The following FAM3B variants were observed in gnomAD, a reference collection of about 807,000 sequenced individuals.
FAM3B encodes the protein FAM3 metabolism regulating signaling molecule B.
Under a neutral mutation model 28.4 loss-of-function variants are expected in FAM3B, and 29 were observed. The ratio of observed to expected loss-of-function variants is 1.02; its 90% CI spans 0.76 to 1.39. FAM3B has a LOEUF of 1.39. FAM3B is among the 40% of genes most tolerant of loss of function. The probability of loss-of-function intolerance (pLI) is 0.00; values close to 1 mark genes in which losing one functional copy is unlikely to be tolerated. For synonymous variants in FAM3B, 91 were observed against 103.0 expected, an observed-to-expected ratio of 0.88 and a Z score of 0.71; for missense variants, 266 against 293.9, an observed-to-expected ratio of 0.91 and a Z score of 0.69.
intron 2 of FAM3B, among the ~76,000 whole-genome samples, chr21:41,333,994 C>G (rs1453069162): frequency 6.6e-6 from 1 of 152,206 alleles, no homozygotes; most frequent in Non-Finnish European, 1.5e-5. Flanking sequence ...ACCTAGGGAT[C>G]TGTGGAACTC....
chr21:41,352,560 C>T (rs1031459395), intron 7 of FAM3B, among the ~76,000 whole-genome samples: 2 of 152,060 alleles, frequency 1.3e-5, no homozygotes, highest in Admixed American at 6.6e-5. Context: ...TTTGGGAGGT[C>T]AAGGCAGGCG....
chr21:41,355,418 C>A (rs554609837), intron 7 of FAM3B, among the ~76,000 whole-genome samples: 1 of 152,126 alleles, frequency 6.6e-6, no homozygotes, highest in Non-Finnish European at 1.5e-5. Context: ...ATGGAATCAA[C>A]CCAAATGTTT....
Position 41,357,133 on chromosome 21 carries a change from A to G in FAM3B, c.644A>G (p.Asn215Ser), listed in dbSNP as rs2089174258. 1.9e-6 allele frequency: 3 copies of G among 1,613,196 alleles called. No homozygotes were observed. Among genetic ancestry groups the G allele is most frequent in the East Asian group, 2.2e-5 (1 of 44,870 alleles). The change falls in exon 8 of 8, where the codon AAC becomes AGC. Residue 215 changes from asparagine (N) to serine (S), a missense_variant. By Grantham distance (46) the Asn-to-Ser change is conservative. Coordinates refer to ENST00000357985, the MANE Select transcript of FAM3B (RefSeq NM_058186.4). ...EKINHSDAKN[N>S]RYSGWPAEIQ... ...ATCAACCACTCTGATGCTAAGAACA[A>G]CAGATATTCTGGCTGGCCTGCAGAG... is the stretch of plus-strand genomic sequence containing the variant.
At chr21:41,341,834 A>G (rs2089009612) in intron 3 of FAM3B, among the ~76,000 whole-genome samples, 2 of 152,188 alleles carry the variant, frequency 1.3e-5, no homozygotes, top group Non-Finnish European at 2.9e-5. Flanking sequence ...GTTTTTTTGA[A>G]GAAGGATTCT....
chr21:41,321,083 T>G (rs1028466346), intron 1 of FAM3B: 1 of 152,200 alleles, frequency 6.6e-6, no homozygotes, highest in African/African-American at 2.4e-5. Context: ...CATTGTCTGG[T>G]TAGCCAGTTT....
At chr21:41,355,175 G>C (rs1351701349) in intron 7 of FAM3B, among the ~76,000 whole-genome samples, 2 of 152,206 alleles carry the variant, frequency 1.3e-5, no homozygotes, top group Non-Finnish European at 1.5e-5. Flanking sequence ...ATAAGAAGAA[G>C]TGCTGGTGAG....
At chr21:41,307,080 A>G (rs1201278061) in intron 1 of FAM3B, among the ~76,000 whole-genome samples, 1 of 152,230 alleles carries the variant, frequency 6.6e-6, no homozygotes. Flanking sequence ...CTTCCAATAT[A>G]AGGCTGTTTG....
chr21:41,316,741 G>C (rs1601347043), upstream of FAM3B: 1 of 771,356 alleles, frequency 1.3e-6, no homozygotes, highest in South Asian at 3.5e-5. Flanking sequence ...CCATTTGCCC[G>C]ACTGGCCGCG....
intron 1 of FAM3B, among the ~76,000 whole-genome samples, chr21:41,308,770 C>G (rs1249242248): frequency 6.6e-6 from 1 of 151,972 alleles, no homozygotes; most frequent in African/African-American, 2.4e-5. Context: ...AACTCCTGAC[C>G]TTAGGTGATC....
At chr21:41,338,307 C>T (rs551167150) in intron 2 of FAM3B, 71 bp from the exon 3 acceptor site, 192 of 1,574,792 alleles carry the variant, frequency 1.2e-4, no homozygotes, top group Non-Finnish European at 1.5e-4. Flanking sequence ...TGGTGTTCTC[C>T]GCCAAGCAGC....
At chr21:41,338,536 T>G (rs2088976386) in intron 3 of FAM3B, 35 bp downstream of exon 3, 1 of 1,611,410 alleles carries the variant, frequency 6.2e-7, no homozygotes, top group African/African-American at 1.3e-5. Context: ...AATAAAGCGA[T>G]CCTACTGATT....
At chr21:41,357,031 C>A in intron 7 of FAM3B, 77 bp from the exon 8 acceptor site, 1 of 974,546 alleles carries the variant, frequency 1.0e-6, no homozygotes, top group Non-Finnish European at 1.5e-6. Context: ...GTGGTTGTGT[C>A]GGCTCACAAC....
At chr21:41,343,922 G>T (rs1040335743) in intron 3 of FAM3B, among the ~76,000 whole-genome samples, 1 of 152,082 alleles carries the variant, frequency 6.6e-6, no homozygotes, top group African/African-American at 2.4e-5. Context: ...GTTCAAGACC[G>T]CCCTGAGCAG....
intron 1 of FAM3B, among the ~76,000 whole-genome samples, chr21:41,311,222 A>G (rs1445533403): frequency 8.2e-6 from 1 of 122,260 alleles, no homozygotes; most frequent in African/African-American, 3.1e-5. Context: ...CAACATGACA[A>G]AACCCTGTCT....
chr21:41,336,002 G>C (rs2088952174), intron 2 of FAM3B, among the ~76,000 whole-genome samples: 2 of 152,170 alleles, frequency 1.3e-5, no homozygotes, highest in African/African-American at 4.8e-5. Flanking sequence ...TCATCTGTCA[G>C]TATTAAGAGG....
In FAM3B at chr21:41,348,621, A is replaced by C; in HGVS notation, c.515A>C (p.Glu172Ala). The C allele has an allele frequency of 6.2e-7, 1 of 1,614,224 alleles. No individual in the cohort carries two copies. Among genetic ancestry groups the C allele is most frequent in the Non-Finnish European group, 8.5e-7 (1 of 1,180,034 alleles). Reference sequence around the variant, plus strand: ...AATAACGATGCCAAGAATGCCATAGAAGCACTTGGAAGTAAAGAAATCAGG... The same window carrying C: ...AATAACGATGCCAAGAATGCCATAGCAGCACTTGGAAGTAAAGAAATCAGG... ...RLNNDAKNAI[E>A]ALGSKEIRNM... The change falls in exon 7 of 8, where the codon GAA becomes GCA. Residue 172 changes from glutamate (E) to alanine (A), a missense_variant. Transcript: ENST00000357985.
chr21:41,338,735 G>A (rs1272219398), intron 3 of FAM3B, among the ~76,000 whole-genome samples: 3 of 152,178 alleles, frequency 2.0e-5, no homozygotes, highest in African/African-American at 7.2e-5. Flanking sequence ...TTACGGTTTC[G>A]TTTGACTGCA....
rs1568921628 is a variant in FAM3B at position 41,345,682 on chromosome 21, T to G, written c.347-4T>G. 5 of 1,536,376 alleles carry G rather than the reference T, an allele frequency of 3.3e-6. No individual in the cohort carries two copies. Among genetic ancestry groups the G allele is most frequent in the Non-Finnish European group, 4.4e-6 (5 of 1,144,972 alleles). On this transcript the variant is annotated splice_region_variant and splice_polypyrimidine_tract_variant and intron_variant, in intron 4 of 7. Transcript: ENST00000357985. ...TTTTAAAATACCATTTCTTTTATTTTCAGATGTAACTGGGAATGTGACAGC... is the reference window on the plus strand; with the variant it reads ...TTTTAAAATACCATTTCTTTTATTTGCAGATGTAACTGGGAATGTGACAGC...
At chr21:41,307,451 A>G (rs948279172) in intron 1 of FAM3B, among the ~76,000 whole-genome samples, 1 of 152,210 alleles carries the variant, frequency 6.6e-6, no homozygotes, top group Admixed American at 6.5e-5. Context: ...GGCACTTATC[A>G]TATCCTTTAA....
Sources: gnomAD v4.1 joint callset for allele counts (sites outside exome capture counted in the v4.1 genomes callset) on GRCh38, gnomAD v4.1.1 for gene constraint, MANE v1.5 for transcripts, NCBI Gene and HGNC (gene_info 2026-07-23, HGNC 2026-07-21) for gene names.